Variants in HNRNPC observed in about 807,000 individuals in gnomAD.
HNRNPC encodes heterogeneous nuclear ribonucleoproteins C1/C2.
A neutral mutation model predicts 33.2 loss-of-function variants in HNRNPC; 3 were observed. The observed-to-expected ratio is 0.09, with a 90% CI of 0.04 to 0.23. The LOEUF (loss-of-function observed/expected upper bound fraction) is 0.23, where lower values mean the gene tolerates loss of function less well. Among genes scored for constraint, HNRNPC ranks in the 10% least tolerant of loss-of-function variants. HNRNPC has a pLI of 1.00. For missense variants in HNRNPC, 143 were observed against 366.7 expected, an observed-to-expected ratio of 0.39 and a Z score of 4.98; for synonymous variants, 121 against 126.7, an observed-to-expected ratio of 0.96 and a Z score of 0.30.
chr14:21,265,747 T>C (rs910146856), intron 1 of HNRNPC, among the ~76,000 whole-genome samples: 4 of 152,228 alleles, frequency 2.6e-5, no homozygotes, highest in African/African-American at 7.2e-5. Flanking sequence ...TACTGCACTC[T>C]AATCTGGGTG....
chr14:21,263,859 A>T (rs777788083), intron 1 of HNRNPC: 2 of 152,174 alleles, frequency 1.3e-5, no homozygotes, highest in African/African-American at 2.4e-5. Context: ...AGATTGAGTC[A>T]GAGTTCCTCA....
chr14:21,222,982 C>T (rs1201008630), intron 5 of HNRNPC, among the ~76,000 whole-genome samples: 2 of 152,012 alleles, frequency 1.3e-5, no homozygotes, highest in Admixed American at 6.6e-5. Flanking sequence ...GGCCAGATCT[C>T]GAGGTCAGGT....
chr14:21,210,081 T>C lies in HNRNPC; in HGVS notation c.*1142A>G, dbSNP rs1421044605. On this transcript the variant is annotated 3_prime_UTR_variant, in exon 9 of 9. Transcript: ENST00000553300. Reference sequence around the variant, plus strand: ...TCTTGTTTTCAGGAACATGGAGGTATATACACTTCAGAATTCAGAAGGTAA... The same window carrying C: ...TCTTGTTTTCAGGAACATGGAGGTACATACACTTCAGAATTCAGAAGGTAA... The C allele has an allele frequency of 6.6e-6, 1 of 152,190 alleles. No homozygotes were observed. The highest frequency in any genetic ancestry group is 1.5e-5 in the Non-Finnish European group (1 of 68,038). The allele number at this position is 152,190 out of a possible 1,614,324, so 9.4% of individuals were successfully genotyped here.
intron 2 of HNRNPC, among the ~76,000 whole-genome samples, chr14:21,241,271 A>C (rs1435211719): frequency 1.3e-5 from 2 of 151,576 alleles, no homozygotes; most frequent in East Asian, 3.9e-4. Context: ...AAAAAAAAAA[A>C]AAAAACCACA....
At chr14:21,212,025 C>T in intron 6 of HNRNPC, 102 bp from the exon 7 acceptor site, 2 of 885,618 alleles carry the variant, frequency 2.3e-6, no homozygotes, top group Non-Finnish European at 3.6e-6. Flanking sequence ...CAGGAGATAC[C>T]CAGGGAGAAA....
intron 5 of HNRNPC, among the ~76,000 whole-genome samples, chr14:21,224,380 A>G (rs956930866): frequency 2.0e-5 from 3 of 152,202 alleles, no homozygotes; most frequent in Non-Finnish European, 2.9e-5. Context: ...CAGGTAGAAT[A>G]AAACCAGCAG....
At chr14:21,230,801 C>G (rs1894029780) in intron 4 of HNRNPC, 196 bp downstream of exon 4, 2 of 572,152 alleles carry the variant, frequency 3.5e-6, no homozygotes. Flanking sequence ...GAAATTTTCT[C>G]TAGGGCAAAA....
chr14:21,260,730 C>T (rs772416249), intron 2 of HNRNPC, among the ~76,000 whole-genome samples: 1 of 151,678 alleles, frequency 6.6e-6, no homozygotes, highest in East Asian at 1.9e-4. Flanking sequence ...TTTGGGAGGC[C>T]GAGGCGGGCA....
intron 1 of HNRNPC, among the ~76,000 whole-genome samples, chr14:21,266,243 C>CA: frequency 6.6e-6 from 1 of 152,266 alleles, no homozygotes; most frequent in South Asian, 2.1e-4. Context: ...GCTGGGACTA[C>CA]AGGCGAGCGC....
chr14:21,240,607 C>T (rs966678751), intron 2 of HNRNPC, among the ~76,000 whole-genome samples: 4 of 152,054 alleles, frequency 2.6e-5, no homozygotes, highest in Non-Finnish European at 2.9e-5. Context: ...GTCAAGACTT[C>T]AGCTTCCTTT....
intron 2 of HNRNPC, among the ~76,000 whole-genome samples, chr14:21,253,180 A>AT (rs531913809): frequency 2.3e-3 from 333 of 146,916 alleles, no homozygotes; most frequent in Non-Finnish European, 2.7e-3. Context: ...CTTTAAAAAA[A>AT]AAAAAAAAAA....
chr14:21,266,193 C>G (rs1878950620), intron 1 of HNRNPC, among the ~76,000 whole-genome samples: 1 of 152,180 alleles, frequency 6.6e-6, no homozygotes, highest in South Asian at 2.1e-4. Flanking sequence ...ACCTCCACCT[C>G]CCAGGTTCAA....
At chr14:21,226,605 T>C (rs933907957) in intron 5 of HNRNPC, among the ~76,000 whole-genome samples, 1 of 152,008 alleles carries the variant, frequency 6.6e-6, no homozygotes, top group African/African-American at 2.4e-5. Context: ...ACATGTCATC[T>C]CAGCACTTTG....
intron 2 of HNRNPC, among the ~76,000 whole-genome samples, chr14:21,238,088 C>T (rs1285232254): frequency 6.6e-6 from 1 of 152,102 alleles, no homozygotes; most frequent in East Asian, 1.9e-4. Context: ...CATTTTCTTG[C>T]CTTGTTACTC....
rs111595559 is a variant in HNRNPC at position 21,243,976 on chromosome 14, G to A, written c.-36-9747C>T. ...ATGTTGATGGTGGTTACCTCTGAGT[G>A]CTGATGACATAAGTAAATGAGTAAA... On this transcript the variant is annotated intron_variant, in intron 2 of 8. Transcript: ENST00000553300. Among the ~76,000 whole-genome samples, 458 of 151,816 alleles carry A rather than the reference G, an allele frequency of 3.0e-3. 1 individual carries two copies. Among genetic ancestry groups the A allele is most frequent in the African/African-American group, 0.011 (438 of 41,400 alleles).
chr14:21,219,609 G>A (rs1369653312), intron 5 of HNRNPC, among the ~76,000 whole-genome samples: 1 of 152,094 alleles, frequency 6.6e-6, no homozygotes, highest in Non-Finnish European at 1.5e-5. Context: ...GATACTTCAT[G>A]CTTCTCCATT....
chr14:21,259,996 G>A (rs1000335245), intron 2 of HNRNPC, among the ~76,000 whole-genome samples: 3 of 149,820 alleles, frequency 2.0e-5, no homozygotes, highest in East Asian at 1.9e-4. Context: ...TCAGGAGATC[G>A]AGACCATCCC....
At chr14:21,229,289 C>T (rs1052898865) in intron 5 of HNRNPC, among the ~76,000 whole-genome samples, 1 of 149,562 alleles carries the variant, frequency 6.7e-6, no homozygotes, top group East Asian at 2.0e-4. Context: ...ACTCAGGAGG[C>T]TGTGCCAGGA....
chr14:21,234,343 CTTAAAGGGACTCACAGCAT>C (rs1894436421), intron 2 of HNRNPC, 114 bp from the exon 3 acceptor site: 1 of 817,876 alleles, frequency 1.2e-6, no homozygotes, highest in Non-Finnish European at 1.9e-6. Flanking sequence ...TATTAGGCAA[CTTAAAGGGACTCACAGCAT>C]TAAGTATGTA....
Sources: gnomAD v4.1 joint callset for allele counts (sites outside exome capture counted in the v4.1 genomes callset) on GRCh38, gnomAD v4.1.1 for gene constraint, MANE v1.5 for transcripts, NCBI Gene and HGNC (gene_info 2026-07-23, HGNC 2026-07-21) for gene names.